Variants in ASAP2 observed in about 807,000 individuals in gnomAD.
ASAP2 encodes the protein ArfGAP with SH3 domain, ankyrin repeat and PH domain 2, also known as arf-GAP with SH3 domain, ANK repeat and PH domain-containing protein 2.
Under a neutral mutation model 131.4 loss-of-function variants are expected in ASAP2, and 45 were observed. That is an observed-to-expected ratio of 0.34 (90% CI 0.27 to 0.44). ASAP2 has a LOEUF of 0.44. ASAP2 is among the 20% of genes least tolerant of loss of function. ASAP2 has a pLI of 1.00. For synonymous variants in ASAP2, 510 were observed against 503.0 expected (o/e 1.01, Z -0.19); for missense variants, 1,011 against 1,297.0 (o/e 0.78, Z 3.39).
intron 1 of ASAP2, among the ~76,000 whole-genome samples, chr2:9,223,917 T>C (rs1662595289): frequency 1.3e-5 from 2 of 152,202 alleles, no homozygotes; most frequent in African/African-American, 2.4e-5. Context: ...TCATTAAGAA[T>C]AGTCAAAATC....
At chr2:9,219,140 G>T (rs1372812571) in intron 1 of ASAP2, among the ~76,000 whole-genome samples, 1 of 152,214 alleles carries the variant, frequency 6.6e-6, no homozygotes, top group East Asian at 1.9e-4. Context: ...TGATCATGGG[G>T]TTTTGTGGTC....
chr2:9,231,150 G>T (rs888228202), intron 1 of ASAP2, among the ~76,000 whole-genome samples: 4 of 152,230 alleles, frequency 2.6e-5, no homozygotes, highest in Non-Finnish European at 5.9e-5. Context: ...ATGGATGGGG[G>T]AAAGGCAGTG....
chr2:9,390,066 A>C (rs1167714509), intron 22 of ASAP2, among the ~76,000 whole-genome samples: 1 of 152,194 alleles, frequency 6.6e-6, no homozygotes, highest in Non-Finnish European at 1.5e-5. Context: ...ATGGAGGGGT[A>C]AACTCTTAAT....
intron 2 of ASAP2, among the ~76,000 whole-genome samples, chr2:9,295,590 A>G (rs940618955): frequency 4.6e-5 from 7 of 152,180 alleles, no homozygotes; most frequent in African/African-American, 1.7e-4. Flanking sequence ...ACAGATATTT[A>G]CAGGTGGACA....
chr2:9,328,344 AG>A (rs1670608686), intron 7 of ASAP2, among the ~76,000 whole-genome samples: 2 of 152,214 alleles, frequency 1.3e-5, no homozygotes, highest in Non-Finnish European at 2.9e-5. Context: ...TTTATGGCTT[AG>A]GGATTATATC....
chr2:9,209,446 T>C (rs1461946547), intron 1 of ASAP2, among the ~76,000 whole-genome samples: 1 of 152,250 alleles, frequency 6.6e-6, no homozygotes, highest in Admixed American at 6.5e-5. Flanking sequence ...AATCTTCTCA[T>C]ACTGAGACGA....
At chr2:9,341,908 C>T (rs1671606623) in intron 9 of ASAP2, among the ~76,000 whole-genome samples, 1 of 152,156 alleles carries the variant, frequency 6.6e-6, no homozygotes, top group Non-Finnish European at 1.5e-5. Flanking sequence ...CATTTCTCCC[C>T]TCCTGGGCTC....
chr2:9,287,966 C>T (rs373964971), intron 2 of ASAP2, among the ~76,000 whole-genome samples: 1 of 152,284 alleles, frequency 6.6e-6, no homozygotes, highest in South Asian at 2.1e-4. Context: ...TTTAATTTGG[C>T]TGGCTTTTAT....
chr2:9,319,384 G>A (rs1670009996), intron 4 of ASAP2, among the ~76,000 whole-genome samples: 1 of 152,240 alleles, frequency 6.6e-6, no homozygotes, highest in African/African-American at 2.4e-5. Flanking sequence ...GGCCTCTCAG[G>A]GTCTCCTTCA....
At chr2:9,382,604 C>T (rs971051967) in intron 20 of ASAP2, among the ~76,000 whole-genome samples, 4 of 152,214 alleles carry the variant, frequency 2.6e-5, no homozygotes, top group African/African-American at 9.6e-5. Flanking sequence ...TGAATGAGCA[C>T]ATTCATTCTC....
At chr2:9,369,410 A>G (rs1392149914) in intron 16 of ASAP2, among the ~76,000 whole-genome samples, 1 of 152,192 alleles carries the variant, frequency 6.6e-6, no homozygotes, top group Admixed American at 6.5e-5. Flanking sequence ...ATGTCACACT[A>G]GTCTTCGAGA....
At chr2:9,274,023 A>G (rs1340623371) in intron 1 of ASAP2, among the ~76,000 whole-genome samples, 1 of 152,236 alleles carries the variant, frequency 6.6e-6, no homozygotes, top group Non-Finnish European at 1.5e-5. Context: ...AGGAATGAAC[A>G]AGGACAGCTT....
At chr2:9,360,814 T>C (rs1422280956) in intron 15 of ASAP2, among the ~76,000 whole-genome samples, 1 of 152,026 alleles carries the variant, frequency 6.6e-6, no homozygotes, top group Non-Finnish European at 1.5e-5. Context: ...TATGAGTTTA[T>C]ATAGCATAAT....
intron 1 of ASAP2, among the ~76,000 whole-genome samples, chr2:9,211,053 G>T (rs1455743883): frequency 6.6e-6 from 1 of 151,996 alleles, no homozygotes; most frequent in Admixed American, 6.5e-5. Flanking sequence ...TACTTGGGAG[G>T]CTGAGGCAGG....
chr2:9,399,893 T>G, intron 24 of ASAP2, 130 bp from the exon 25 acceptor site: 2 of 858,694 alleles, frequency 2.3e-6, no homozygotes, highest in Non-Finnish European at 3.7e-6. Flanking sequence ...AAGAGACAGC[T>G]AAGTGACAGT....
intron 7 of ASAP2, 64 bp from the exon 8 acceptor site, chr2:9,334,674 C>T: frequency 6.7e-7 from 1 of 1,483,138 alleles, no homozygotes; most frequent in Non-Finnish European, 9.4e-7. Flanking sequence ...AGTTTTTAAT[C>T]TGTCTGACAA....
At chr2:9,338,128 C>T (rs1362050157) in intron 9 of ASAP2, among the ~76,000 whole-genome samples, 2 of 152,190 alleles carry the variant, frequency 1.3e-5, no homozygotes, top group African/African-American at 4.8e-5. Flanking sequence ...CTGGCGGAGT[C>T]CCAAAGCCTC....
At chr2:9,236,047 A>C (rs1464582449) in intron 1 of ASAP2, among the ~76,000 whole-genome samples, 1 of 152,166 alleles carries the variant, frequency 6.6e-6, no homozygotes, top group Non-Finnish European at 1.5e-5. Flanking sequence ...CCCACCACAA[A>C]GAAGTACCTT....
intron 1 of ASAP2, among the ~76,000 whole-genome samples, chr2:9,245,564 T>C (rs144392623): frequency 1.8e-4 from 27 of 152,376 alleles, no homozygotes; most frequent in African/African-American, 5.5e-4. Flanking sequence ...CGAATATCAC[T>C]ATACATCTTC....
Sources: allele counts gnomAD v4.1 joint callset (sites outside exome capture counted in the v4.1 genomes callset), GRCh38; gene constraint gnomAD v4.1.1; transcripts MANE v1.5; gene names NCBI Gene and HGNC (gene_info 2026-07-23, HGNC 2026-07-21).